Variants in CTNNA2 observed in about 807,000 individuals in gnomAD.
The protein encoded by CTNNA2 is catenin alpha 2.
CTNNA2 carries 42 observed loss-of-function variants against 101.0 expected under a neutral mutation model. The ratio of observed to expected loss-of-function variants is 0.42; its 90% CI spans 0.32 to 0.54. CTNNA2 has a LOEUF of 0.54. Ranked by LOEUF, CTNNA2 falls within the 20% of genes least tolerant of loss-of-function variation. CTNNA2 has a pLI of 0.14. For missense variants in CTNNA2, 871 were observed against 1,223.1 expected (o/e 0.71, Z 4.29); for synonymous variants, 450 against 456.4 (o/e 0.99, Z 0.18).
intron 9 of CTNNA2, among the ~76,000 whole-genome samples, chr2:80,441,933 C>A (rs1682624377): frequency 6.6e-6 from 1 of 152,202 alleles, no homozygotes. Flanking sequence ...GAAGCCAGAA[C>A]AAAAGGGAGA....
intron 7 of CTNNA2, among the ~76,000 whole-genome samples, chr2:80,158,261 C>G (rs1305405346): frequency 1.3e-5 from 2 of 152,182 alleles, no homozygotes; most frequent in Non-Finnish European, 2.9e-5. Context: ...CATTTTGACT[C>G]AAACACACCC....
At chr2:79,888,529 T>C (rs1419027995) in intron 6 of CTNNA2, among the ~76,000 whole-genome samples, 1 of 152,238 alleles carries the variant, frequency 6.6e-6, no homozygotes, top group Non-Finnish European at 1.5e-5. Context: ...TACTTTTCTC[T>C]TGCGCATTTC....
intron 2 of CTNNA2, among the ~76,000 whole-genome samples, chr2:79,734,947 G>T (rs944743931): frequency 1.3e-5 from 2 of 152,130 alleles, no homozygotes; most frequent in Admixed American, 1.3e-4. Flanking sequence ...ACTTTGTGCA[G>T]TAGTGTCCTC....
chr2:79,214,826 A>T (rs540343959), intron 2 of CTNNA2, among the ~76,000 whole-genome samples: 3 of 151,722 alleles, frequency 2.0e-5, no homozygotes, highest in African/African-American at 7.2e-5. Context: ...AGTAAAAAAG[A>T]GTGCATAAAA....
intron 3 of CTNNA2, among the ~76,000 whole-genome samples, chr2:79,763,795 T>G (rs1174187295): frequency 6.6e-6 from 1 of 152,238 alleles, no homozygotes; most frequent in Non-Finnish European, 1.5e-5. Context: ...AAGTTTCCCC[T>G]TGGATTCCAC....
intron 4 of CTNNA2, among the ~76,000 whole-genome samples, chr2:79,486,755 A>T (rs1330538287): frequency 6.6e-6 from 1 of 152,226 alleles, no homozygotes; most frequent in African/African-American, 2.4e-5. Flanking sequence ...TGACTTTTTA[A>T]TGATCGCCAT....
intron 18 of CTNNA2, among the ~76,000 whole-genome samples, chr2:80,621,931 CT>C (rs1276562194): frequency 6.6e-6 from 1 of 151,772 alleles, no homozygotes; most frequent in Non-Finnish European, 1.5e-5. Flanking sequence ...AAAGCTGATA[CT>C]TTTAGCTAGC....
At chr2:79,341,450 A>G (rs1677135311) in intron 3 of CTNNA2, among the ~76,000 whole-genome samples, 1 of 152,180 alleles carries the variant, frequency 6.6e-6, no homozygotes, top group African/African-American at 2.4e-5. Context: ...GATTAAGAAC[A>G]TTAGTTATGG....
rs1467962734 is a variant in CTNNA2 at position 79,886,703 on chromosome 2, A to T, written c.852+12361A>T. Among the ~76,000 whole-genome samples, 4 of 118,938 alleles carry T rather than the reference A, an allele frequency of 3.4e-5. No homozygotes were observed. The East Asian group carries it at 1.2e-3, about 35-fold the overall frequency. The allele number at this position is 118,938 out of a possible 152,430, so 78.0% of individuals were successfully genotyped here. Reference sequence around the variant, plus strand: ...GAGGCAGAGCTTGCAGTGAGCTGAGATCACGCCACTGCACTCCAGCCTGGG... The same window carrying T: ...GAGGCAGAGCTTGCAGTGAGCTGAGTTCACGCCACTGCACTCCAGCCTGGG... On this transcript the variant is annotated intron_variant, in intron 6 of 18. Transcript: ENST00000402739.
At chr2:79,445,787 G>C (rs1048775586) in intron 4 of CTNNA2, among the ~76,000 whole-genome samples, 1 of 152,070 alleles carries the variant, frequency 6.6e-6, no homozygotes, top group Non-Finnish European at 1.5e-5. Flanking sequence ...AATATAAAGA[G>C]TTTAACTAAA....
chr2:80,032,150 G>A (rs1350388497), intron 7 of CTNNA2, among the ~76,000 whole-genome samples: 1 of 152,218 alleles, frequency 6.6e-6, no homozygotes, highest in Non-Finnish European at 1.5e-5. Context: ...AGCAGAAGCT[G>A]CCTGGGAGGA....
intron 1 of CTNNA2, among the ~76,000 whole-genome samples, chr2:79,567,590 C>T (rs1675191222): frequency 6.6e-6 from 1 of 152,026 alleles, no homozygotes; most frequent in Non-Finnish European, 1.5e-5. Context: ...CTTCACCTCT[C>T]ATCCCAGTCA....
intron 1 of CTNNA2, among the ~76,000 whole-genome samples, chr2:79,591,033 C>T (rs1676813025): frequency 6.6e-6 from 1 of 152,012 alleles, no homozygotes; most frequent in African/African-American, 2.4e-5. Context: ...TTATATAATG[C>T]TTTAGGAGAC....
intron 1 of CTNNA2, among the ~76,000 whole-genome samples, chr2:79,572,861 T>C (rs1675546381): frequency 6.6e-6 from 1 of 152,226 alleles, no homozygotes; most frequent in African/African-American, 2.4e-5. Context: ...ACATTTATTC[T>C]TAATTTTAAA....
At chr2:80,094,566 G>A (rs149071329) in intron 7 of CTNNA2, among the ~76,000 whole-genome samples, 29,661 of 152,000 alleles carry the variant, frequency 0.2, 3,762 homozygotes, top group East Asian at 0.52. Context: ...GCTTGATGGG[G>A]ATGGCATTGA....
chr2:79,930,354 A>ACG lies in CTNNA2; in HGVS notation c.1056+20557_1056+20558insCG, dbSNP rs1185854054. Among the ~76,000 whole-genome samples the ACG allele has an allele frequency of 9.7e-4, 72 of 73,942 alleles. 1 individual carries two copies. The highest frequency in any genetic ancestry group is 2.7e-3 in the African/African-American group (63 of 23,730). 48.5% of individuals were successfully genotyped at this position (73,942 alleles called of 152,430 possible). On this transcript the variant is annotated intron_variant, in intron 7 of 18. Coordinates refer to ENST00000402739, the MANE Select transcript of CTNNA2 (RefSeq NM_001282597.3). ...AAAGAAAGAAAGAAAGAAAGAAAGA[A>ACG]AGAATGAACACGGGTTCTAGCCACC...
rs540137450 is a variant in CTNNA2, at chr2:80,559,989, C to A, written c.1741+4096C>A. 7.0e-5 allele frequency among the ~76,000 whole-genome samples: 10 copies of A among 143,712 alleles called. No individual in the cohort carries two copies. In the South Asian group the frequency reaches 2.2e-3, roughly 31 times the overall value. The allele number at this position is 143,712 out of a possible 152,430, so 94.3% of individuals were successfully genotyped here. ...TGACTCAAGTTTGTGGCCATGTGAG[C>A]GTGACTAGGTTAAAAGATCTGTGAG... On this transcript the variant is annotated intron_variant, in intron 12 of 18. Coordinates refer to ENST00000402739, the MANE Select transcript of CTNNA2 (RefSeq NM_001282597.3).
At chr2:79,438,511 T>C (rs924077969) in intron 4 of CTNNA2, among the ~76,000 whole-genome samples, 8 of 152,154 alleles carry the variant, frequency 5.3e-5, no homozygotes, top group Non-Finnish European at 8.8e-5. Flanking sequence ...GATAATTATT[T>C]GTTATGAAGG....
chr2:79,573,706 G>A (rs1675610855), intron 1 of CTNNA2: 1 of 152,186 alleles, frequency 6.6e-6, no homozygotes, highest in African/African-American at 2.4e-5. Flanking sequence ...AATATTTTGT[G>A]TATAACTATA....
Sources: gnomAD v4.1 joint callset for allele counts (sites outside exome capture counted in the v4.1 genomes callset) on GRCh38, gnomAD v4.1.1 for gene constraint, MANE v1.5 for transcripts, NCBI Gene and HGNC (gene_info 2026-07-23, HGNC 2026-07-21) for gene names.